MEGF6: variants seen among roughly 807,000 people sequenced by gnomAD.
MEGF6 encodes the protein multiple EGF like domains 6.
A neutral mutation model predicts 207.1 loss-of-function variants in MEGF6; 184 were observed. The ratio of observed to expected loss-of-function variants is 0.89; its 90% confidence interval spans 0.79 to 1.00. The LOEUF is 1.00. Among genes scored for constraint, MEGF6 ranks in the 50% least tolerant of loss-of-function variants. MEGF6 has a pLI of 0.00. For missense variants in MEGF6, 2,282 were observed against 2,202.9 expected (o/e 1.04, Z -0.72); for synonymous variants, 1,038 against 910.0 (o/e 1.14, Z -2.53).
intron 2 of MEGF6, 83 bp from the exon 3 acceptor site, chr1:3,595,530 C>A: frequency 8.1e-7 from 1 of 1,229,218 alleles, no homozygotes; most frequent in Non-Finnish European, 1.2e-6. Flanking sequence ...GGGAGACTGA[C>A]TCTGCGTCAG....
intron 4 of MEGF6, among the ~76,000 whole-genome samples, chr1:3,533,053 C>G (rs74050565): frequency 9.1e-4 from 138 of 152,360 alleles, no homozygotes; most frequent in African/African-American, 3.1e-3. Context: ...CCACTCTCCA[C>G]TACAGCCAGG....
At chr1:3,598,147 G>T (rs1644098344) in intron 2 of MEGF6, among the ~76,000 whole-genome samples, 3 of 152,346 alleles carry the variant, frequency 2.0e-5, no homozygotes, top group Admixed American at 6.5e-5. Context: ...CAGGGGCCCA[G>T]CCAACAGCCT....
chr1:3,531,045 C>A, intron 4 of MEGF6: 14 of 1,463,798 alleles, frequency 9.6e-6, no homozygotes, highest in Non-Finnish European at 1.3e-5. Context: ...GCGCCCTGGC[C>A]CCGCCCGCCC....
chr1:3,620,068 C>T, the MEGF6 span, among the ~76,000 whole-genome samples: 1 of 151,714 alleles, frequency 6.6e-6, no homozygotes, highest in East Asian at 1.9e-4. Context: ...TTTGTCCCTG[C>T]CCTAGAGATC....
intron 10 of MEGF6, 25 bp from the exon 11 acceptor site, chr1:3,510,017 G>A (rs1641278760): frequency 1.9e-6 from 3 of 1,575,334 alleles, no homozygotes; most frequent in African/African-American, 2.7e-5. Flanking sequence ...GGACCACTGA[G>A]GCCTGTGCTC....
chr1:3,614,092 G>T (rs548924388), upstream of MEGF6, among the ~76,000 whole-genome samples: 71 of 152,338 alleles, frequency 4.7e-4, no homozygotes, highest in Non-Finnish European at 1.0e-4. Flanking sequence ...GGTGATGGGG[G>T]CAATCCACCG....
intron 4 of MEGF6, among the ~76,000 whole-genome samples, chr1:3,564,885 C>G (rs1002969463): frequency 6.6e-6 from 1 of 152,192 alleles, no homozygotes. Flanking sequence ...ACCACGGTCC[C>G]GCTCTGGCCG....
intron 1 of MEGF6, among the ~76,000 whole-genome samples, chr1:3,608,049 G>A (rs1010763727): frequency 1.3e-5 from 2 of 152,108 alleles, no homozygotes; most frequent in African/African-American, 4.8e-5. Flanking sequence ...GGGGGGGCTC[G>A]CTCAGGACAG....
the MEGF6 span, among the ~76,000 whole-genome samples, chr1:3,621,400 A>G: frequency 6.6e-6 from 1 of 152,104 alleles, no homozygotes; most frequent in African/African-American, 2.4e-5. Context: ...ACTTCTCACC[A>G]TGTCCCCTCA....
chr1:3,505,362 G>T lies in MEGF6; in HGVS notation c.2054-20C>A, dbSNP rs546784389. 6 of 1,608,086 alleles carry T rather than the reference G, an allele frequency of 3.7e-6. No individual in the cohort carries two copies. Among genetic ancestry groups the T allele is most frequent in the Non-Finnish European group, 3.4e-6 (4 of 1,177,354 alleles). On this transcript the variant is annotated intron_variant, in intron 16 of 36. Transcript: ENST00000356575. ...CACACTCTGCAGGGCGTGAGAGAGG[G>T]GTGGGTGGGGTTAACCGACCCTGGC...
In MEGF6 at chr1:3,509,214, G is replaced by A. The variant is rs1439210226; in HGVS notation, c.1389C>T (p.Gly463=). ...GCAGGGGCCGCACGAAAGGCAGCTC[G>A]CCGTCCAGGTCCACCATCGGCTCCT... ...PLEEPMVDLD[G]ELPFVRPLPH... is the part of the protein sequence containing the mutation. Residue 463 remains glycine (G), a synonymous_variant, in exon 12 of 37, where the codon GGC becomes GGT. Transcript: ENST00000356575. 9 of 1,546,826 alleles carry A rather than the reference G, an allele frequency of 5.8e-6. No homozygotes were observed. The highest frequency in any genetic ancestry group is 2.5e-5 in the East Asian group (1 of 40,686).
rs750626363 is a variant in MEGF6 at position 3,505,317 on chromosome 1, C to G, written c.2079G>C (p.Pro693=). Residue 693 remains proline, a synonymous_variant, in exon 17 of 37, where the codon CCG becomes CCC. Transcript: ENST00000356575. ...GGCAGGTGCATGCCTGCCAGCACCC[C>G]GGCCCAAAGTAGCCCAGCTCACACT... is the stretch of plus-strand genomic sequence containing the variant. The part of the protein sequence containing the change: ...QAECELGYFG[P]GCWQACTCPV... 4.3e-6 allele frequency: 7 copies of G among 1,611,734 alleles called. No homozygotes were observed. Among genetic ancestry groups the G allele is most frequent in the Non-Finnish European group, 5.9e-6 (7 of 1,179,472 alleles).
Position 3,488,564 on chromosome 1 carries a change from A to G in MEGF6, c.*1964T>C, listed in dbSNP as rs1005895302. ...ATTTTAAAATCAGGCTTTTCTGTAG[A>G]AAAATGGCCGAGGCCTTGAAGGCCT... is the stretch of plus-strand genomic sequence containing the variant. On this transcript the variant is annotated 3_prime_UTR_variant, in exon 37 of 37. Coordinates refer to ENST00000356575, the MANE Select transcript of MEGF6 (RefSeq NM_001409.4). Among the ~76,000 whole-genome samples the G allele has an allele frequency of 2.0e-5, 3 of 152,246 alleles. No homozygotes were observed. The East Asian group carries it at 5.8e-4, about 29-fold the overall frequency.
intron 3 of MEGF6, among the ~76,000 whole-genome samples, chr1:3,585,337 G>A (rs1439934755): frequency 2.7e-5 from 4 of 147,204 alleles, no homozygotes; most frequent in African/African-American, 2.5e-5. Context: ...AGTGACACAT[G>A]TCCTATGTGT....
chr1:3,605,928 C>T (rs1644243928), intron 1 of MEGF6, among the ~76,000 whole-genome samples: 1 of 152,226 alleles, frequency 6.6e-6, no homozygotes, highest in African/African-American at 2.4e-5. Flanking sequence ...ACGGTGGCAC[C>T]CCCGTGCTTC....
chr1:3,499,842 C>T lies in MEGF6; in HGVS notation c.2790G>A (p.Gly930=), dbSNP rs1457590653. 12 of 1,553,768 alleles carry T rather than the reference C, an allele frequency of 7.7e-6. No individual in the cohort carries two copies. The highest frequency in any genetic ancestry group is 9.6e-6 in the Non-Finnish European group (11 of 1,149,504). ...QHGAACDHVS[G]ACTCPAGWRG... The stretch of plus-strand genomic sequence containing the variant: ...TCCAGCCGGCCGGGCAGGTGCAGGC[C>T]CCGCTGACGTGGTCACAGGCTGCTC... Residue 930 remains glycine (G), a synonymous_variant, in exon 22 of 37, where the codon GGG becomes GGA. Transcript: ENST00000356575.
At chr1:3,599,996 G>A (rs374959436) in intron 2 of MEGF6, among the ~76,000 whole-genome samples, 5 of 152,272 alleles carry the variant, frequency 3.3e-5, no homozygotes, top group South Asian at 2.1e-4. Flanking sequence ...TGGAACCAGC[G>A]ATGAAACCAC....
At chr1:3,507,654 A>G in intron 14 of MEGF6, 141 bp downstream of exon 14, 1 of 1,069,348 alleles carries the variant, frequency 9.4e-7, no homozygotes, top group South Asian at 1.3e-5. Flanking sequence ...CAGGAAGGAA[A>G]GGGAGTCTAG....
In MEGF6 at chr1:3,501,810, T is replaced by C; in HGVS notation, c.2300A>G (p.Glu767Gly). The C allele has an allele frequency of 1.9e-6, 3 of 1,609,454 alleles. No individual in the cohort carries two copies. The highest frequency in any genetic ancestry group is 2.5e-6 in the Non-Finnish European group (3 of 1,178,600). Reference protein sequence around the residue: ...QCRCPPGRTGEDCEADCPEGR... With the variant: ...QCRCPPGRTGGDCEADCPEGR... Reference sequence around the variant, plus strand: ...CTGACACTCACCTGCCTCACAGTCTTCCCCAGTCCTCCCCGGCGGACACCG... The same window carrying C: ...CTGACACTCACCTGCCTCACAGTCTCCCCCAGTCCTCCCCGGCGGACACCG... Residue 767 changes from glutamate (E) to glycine (G), a missense_variant, in exon 18 of 37, where the codon GAA (glutamate) becomes GGA (glycine). Glu to Gly is a moderately conservative substitution (Grantham distance 98). Transcript: ENST00000356575.
Sources: allele counts gnomAD v4.1 joint callset (sites outside exome capture counted in the v4.1 genomes callset), GRCh38; gene constraint gnomAD v4.1.1; transcripts MANE v1.5; gene names NCBI Gene and HGNC (gene_info 2026-07-23, HGNC 2026-07-21).